The following CFAP74 variants were observed in gnomAD, a reference collection of about 807,000 sequenced individuals.
CFAP74 encodes the protein cilia- and flagella-associated protein 74.
CFAP74 carries 124 observed loss-of-function variants against 188.9 expected under a neutral mutation model. That is an observed-to-expected ratio of 0.66 (90% confidence interval 0.57 to 0.76). The LOEUF (loss-of-function observed/expected upper bound fraction) is 0.76. Ranked by LOEUF, CFAP74 falls within the 30% of genes least tolerant of loss-of-function variation. CFAP74 has a pLI of 0.00. For missense variants in CFAP74, 2,198 were observed against 2,165.2 expected (o/e 1.02, Z -0.30); for synonymous variants, 956 against 916.7 (o/e 1.04, Z -0.77).
chr1:1,951,809 G>A (rs1409958961), intron 18 of CFAP74, among the ~76,000 whole-genome samples: 1 of 152,140 alleles, frequency 6.6e-6, no homozygotes, highest in Non-Finnish European at 1.5e-5. Context: ...AGTGGCTCAC[G>A]CCTGTAATCT....
chr1:1,949,137 C>T (rs1654045017), intron 18 of CFAP74, among the ~76,000 whole-genome samples: 2 of 99,118 alleles, frequency 2.0e-5, no homozygotes, highest in African/African-American at 3.6e-5. Flanking sequence ...CCCTCCCTCC[C>T]TCCCTCCCTT....
chr1:1,927,099 G>T, intron 28 of CFAP74, 71 bp from the exon 29 acceptor site: 1 of 1,530,016 alleles, frequency 6.5e-7, no homozygotes, highest in Admixed American at 2.0e-5. Context: ...GGACCCCTGC[G>T]GCTCTGCCTC....
At chr1:1,955,923 C>T in intron 17 of CFAP74, 73 bp from the exon 18 acceptor site, 6 of 1,531,794 alleles carry the variant, frequency 3.9e-6, no homozygotes, top group Non-Finnish European at 5.2e-6. Flanking sequence ...CCGGAACTCC[C>T]ATGAGGACAG....
intron 1 of CFAP74, among the ~76,000 whole-genome samples, chr1:2,001,307 T>TTTTTG (rs565866212): frequency 1.3e-5 from 2 of 151,790 alleles, no homozygotes; most frequent in East Asian, 1.9e-4. Context: ...AATGCTTGTG[T>TTTTTG]TTTTGTTTTG....
At chr1:1,952,336 G>A (rs897430096) in intron 18 of CFAP74, among the ~76,000 whole-genome samples, 3 of 149,444 alleles carry the variant, frequency 2.0e-5, no homozygotes, top group Non-Finnish European at 4.4e-5. Flanking sequence ...GAGGATAAAA[G>A]GCTAGAGTAT....
intron 6 of CFAP74, among the ~76,000 whole-genome samples, chr1:1,982,919 C>T (rs1467396769): frequency 6.6e-6 from 1 of 152,180 alleles, no homozygotes; most frequent in Admixed American, 6.5e-5. Context: ...TGTCTACTGA[C>T]GGTTAAGGGT....
Position 1,970,665 on chromosome 1 carries a change from T to A in CFAP74, c.1040A>T (p.Gln347Leu). 2 of 1,607,500 alleles carry A rather than the reference T, an allele frequency of 1.2e-6. No individual in the cohort carries two copies. The highest frequency in any genetic ancestry group is 2.2e-5 in the South Asian group (2 of 89,972). Reference protein sequence around the residue: ...HQRRRQELEAQKRAFEEEQKL... With the variant: ...HQRRRQELEALKRAFEEEQKL... The stretch of plus-strand genomic sequence containing the variant: ...CCTCTGCCACCACCCTCACCTCTTC[T>A]GGGCCTCCAGCTCCTGGCGCCGGCG... The change falls in exon 10 of 39, where the codon CAG (glutamine) becomes CTG (leucine). Residue 347 changes from glutamine to leucine, a missense_variant. Gln to Leu is a moderately radical substitution (Grantham distance 113, BLOSUM62 -2). Coordinates refer to ENST00000682832, the MANE Select transcript of CFAP74 (RefSeq NM_001304360.2).
chr1:1,930,281 G>A lies in CFAP74; in HGVS notation c.3067C>T (p.His1023Tyr). ...VGVHPPLELS[H>Y]YQIKFAATAL... ...GTGGCGGCAAACTTGATCTGGTAGT[G>A]GGACAGCTCCAGGGGTGGGTGGACG... is the stretch of plus-strand genomic sequence containing the variant. Residue 1023 changes from histidine to tyrosine, a missense_variant, in exon 26 of 39, where the codon CAC (histidine) becomes TAC (tyrosine). His to Tyr is a moderately conservative substitution (Grantham distance 83). Coordinates refer to ENST00000682832, the MANE Select transcript of CFAP74 (RefSeq NM_001304360.2). The A allele has an allele frequency of 6.5e-7, 1 of 1,535,436 alleles. No individual in the cohort carries two copies. The highest frequency in any genetic ancestry group is 8.7e-7 in the Non-Finnish European group (1 of 1,146,506).
At chr1:1,959,348 C>T (rs1654900999) in intron 15 of CFAP74, 139 bp from the exon 16 acceptor site, 2 of 608,244 alleles carry the variant, frequency 3.3e-6, no homozygotes, top group Non-Finnish European at 5.8e-6. Context: ...CCCCCCTCCA[C>T]CCACCCCCAC....
In CFAP74 at chr1:1,923,906, T is replaced by C; in HGVS notation, c.4258A>G (p.Ser1420Gly). 1 of 1,612,078 alleles carries C rather than the reference T, an allele frequency of 6.2e-7. No individual in the cohort carries two copies. The highest frequency in any genetic ancestry group is 8.5e-7 in the Non-Finnish European group (1 of 1,179,240). Residue 1420 changes from serine to glycine, a missense_variant, in exon 35 of 39, where the codon AGC becomes GGC. Ser to Gly is a moderately conservative substitution (Grantham distance 56). Coordinates refer to ENST00000682832, the MANE Select transcript of CFAP74 (RefSeq NM_001304360.2). The surrounding 1 kb of genome is among the most constrained non-coding windows in gnomAD (Gnocchi z 6.3). ...TTGACGGGGGCCACGCTGAACACGC[T>C]CTGACCGTTGAGATTCTGCGTCCCT... Reference protein sequence around the residue: ...VVGTQNLNGQSVFSVAPVKGV... With the variant: ...VVGTQNLNGQGVFSVAPVKGV...
rs370923339 is a variant in CFAP74 at position 1,925,804 on chromosome 1, C to G, written c.4083G>C (p.Glu1361Asp). 49 of 1,612,432 alleles carry G rather than the reference C, an allele frequency of 3.0e-5. No homozygotes were observed. The highest frequency in any genetic ancestry group is 1.7e-6 in the Non-Finnish European group (2 of 1,179,826). The change falls in exon 33 of 39, where the codon GAG (glutamate) becomes GAC (aspartate). Residue 1361 changes from glutamate to aspartate, a missense_variant. Glu to Asp is a conservative substitution (Grantham distance 45). Transcript: ENST00000682832. ...TCACCTTGAAGCCTGAGGACACAGACTCTCCGGCAATCACATAGCCCATGT... is the reference window on the plus strand; with the variant it reads ...TCACCTTGAAGCCTGAGGACACAGAGTCTCCGGCAATCACATAGCCCATGT... ...VLNMGYVIAG[E>D]SVSSGFKLQN... is the part of the protein sequence containing the mutation.
chr1:1,924,037 C>A, intron 34 of CFAP74, 108 bp from the exon 35 acceptor site: 1 of 1,137,508 alleles, frequency 8.8e-7, no homozygotes, highest in Middle Eastern at 3.1e-4. Context: ...CCTGCAGAGC[C>A]CCTGTCCTGC....
rs926546173 is a variant in CFAP74, at chr1:1,968,440, A to G, written c.1245+195T>C. ...GATGCTGCGGCCATGGGCCTCTCTC[A>G]TGTGGTGGGTCCGTAGTGTGTCTTG... is the stretch of plus-strand genomic sequence containing the variant. On this transcript the variant is annotated intron_variant, in intron 11 of 38. Transcript: ENST00000682832. This position sits in a 1 kb window ranked among gnomAD's most constrained non-coding sequence, Gnocchi z 4.3. Among the ~76,000 whole-genome samples, 3 of 150,670 alleles carry G rather than the reference A, an allele frequency of 2.0e-5. No homozygotes were observed. The highest frequency in any genetic ancestry group is 1.3e-4 in the Admixed American group (2 of 15,126).
In CFAP74 at chr1:1,968,394, G is replaced by T. The variant is rs1282149069; in HGVS notation, c.1245+241C>A. Among the ~76,000 whole-genome samples the T allele has an allele frequency of 6.6e-6, 1 of 152,060 alleles. No homozygotes were observed. The highest frequency in any genetic ancestry group is 1.5e-5 in the Non-Finnish European group (1 of 67,980). ...TCTGGTGGGCACACCGAGACCAGGA[G>T]GACACTGGACCCTTGCTGGGGATGC... On this transcript the variant is annotated intron_variant, in intron 11 of 38. Transcript: ENST00000682832. This position sits in a 1 kb window ranked among gnomAD's most constrained non-coding sequence, Gnocchi z 4.3.
Position 1,975,681 on chromosome 1 carries a change from G to A in CFAP74, c.501-1483C>T, listed in dbSNP as rs1055132162. 6.6e-6 allele frequency among the ~76,000 whole-genome samples: 1 copy of A among 152,140 alleles called. No homozygotes were observed. Among genetic ancestry groups the A allele is most frequent in the African/African-American group, 2.4e-5 (1 of 41,420 alleles). On this transcript the variant is annotated intron_variant, in intron 6 of 38. Coordinates refer to ENST00000682832, the MANE Select transcript of CFAP74 (RefSeq NM_001304360.2). This position sits in a 1 kb window ranked among gnomAD's most constrained non-coding sequence, Gnocchi z 4.5. ...CACGTTCATTGCTCCCCAAGTCTGGGGGACTCCGCGGAGCTTCCACGGGCG... is the reference window on the plus strand; with the variant it reads ...CACGTTCATTGCTCCCCAAGTCTGGAGGACTCCGCGGAGCTTCCACGGGCG...
In CFAP74 at chr1:1,955,781, G is replaced by A. The variant is rs764667105; in HGVS notation, c.2086C>T (p.Leu696=). 10 of 1,614,102 alleles carry A rather than the reference G, an allele frequency of 6.2e-6. No homozygotes were observed. The South Asian group carries it at 7.7e-5, about 12-fold the overall frequency. ...KAATSFSEQQ[L]EGTESSQADM... The stretch of plus-strand genomic sequence containing the variant: ...GCCTGGGAGGACTCCGTGCCCTCTA[G>A]CTGCTGCTCAGAGAAGCTGGTGGCG... The change falls in exon 18 of 39, where the codon CTA becomes TTA. Residue 696 remains leucine, a synonymous_variant. Transcript: ENST00000682832.
At chr1:1,932,076 AAAAC>A (rs1210214077) in intron 25 of CFAP74, among the ~76,000 whole-genome samples, 3 of 58,960 alleles carry the variant, frequency 5.1e-5, no homozygotes, top group Non-Finnish European at 1.5e-4. Context: ...CAAAAAAAAA[AAAAC>A]AAAAAACAAA....
At chr1:1,938,735 AGCCCT>A in intron 25 of CFAP74, 115 bp downstream of exon 25, 2 of 1,209,280 alleles carry the variant, frequency 1.7e-6, no homozygotes, top group Non-Finnish European at 2.3e-6. Context: ...TGCCCAGCCC[AGCCCT>A]GTGGTCAGCC....
At chr1:1,970,376 G>A (rs528031247) in intron 10 of CFAP74, among the ~76,000 whole-genome samples, 17 of 152,240 alleles carry the variant, frequency 1.1e-4, no homozygotes, top group South Asian at 6.2e-4. Flanking sequence ...GACAGGAGCC[G>A]GAGGCTCTCG....
Sources: gnomAD v4.1 joint callset for allele counts (sites outside exome capture counted in the v4.1 genomes callset) on GRCh38, gnomAD v4.1.1 for gene constraint, Gnocchi (gnomAD v3.1) non-coding constraint, MANE v1.5 for transcripts, NCBI Gene and HGNC (gene_info 2026-07-23, HGNC 2026-07-21) for gene names.